Variants in CELF2 observed in about 807,000 individuals in gnomAD.
The protein encoded by CELF2 is CUG triplet repeat RNA-binding protein 2.
Under a neutral mutation model 62.6 loss-of-function variants are expected in CELF2, and 8 were observed. The observed-to-expected ratio is 0.13, with a 90% confidence interval of 0.07 to 0.23. CELF2 has a LOEUF of 0.23. Ranked by LOEUF, CELF2 falls within the 10% of genes least tolerant of loss-of-function variation. The probability of loss-of-function intolerance (pLI) is 1.00; values close to 1 mark genes in which losing one functional copy is unlikely to be tolerated. For missense variants in CELF2, 333 were observed against 671.0 expected (o/e 0.50, Z 5.56); for synonymous variants, 258 against 250.0 (o/e 1.03, Z -0.30).
the CELF2 span, among the ~76,000 whole-genome samples, chr10:10,685,169 C>T: frequency 1.3e-5 from 2 of 152,132 alleles, no homozygotes; most frequent in African/African-American, 4.8e-5. Context: ...ACCAGGGGGC[C>T]AGAAGTATAC....
the CELF2 span, among the ~76,000 whole-genome samples, chr10:10,598,990 G>A: frequency 1.3e-5 from 2 of 151,806 alleles, no homozygotes; most frequent in African/African-American, 4.8e-5. Flanking sequence ...GACCTCAGGT[G>A]ATCCACCCTC....
At chr10:10,617,748 C>T in the CELF2 span, among the ~76,000 whole-genome samples, 1 of 152,120 alleles carries the variant, frequency 6.6e-6, no homozygotes, top group East Asian at 1.9e-4. Flanking sequence ...GAAGAAAGTA[C>T]AGGAAAGGGA....
chr10:10,843,228 G>T (rs768364170), intron 1 of CELF2, among the ~76,000 whole-genome samples: 1 of 151,946 alleles, frequency 6.6e-6, no homozygotes, highest in African/African-American at 2.4e-5. Flanking sequence ...ACAAAAGGTG[G>T]TTATTAATCT....
intron 1 of CELF2, among the ~76,000 whole-genome samples, chr10:10,806,203 C>CTT (rs112165245): frequency 0.69 from 97,677 of 141,198 alleles, 33,940 homozygotes; most frequent in East Asian, 0.77. Context: ...TTCCAGTGTT[C>CTT]TTTTTTTTTT....
chr10:11,087,415 T>G (rs2047109008), intron 1 of CELF2, among the ~76,000 whole-genome samples: 1 of 152,222 alleles, frequency 6.6e-6, no homozygotes, highest in African/African-American at 2.4e-5. Flanking sequence ...CTGTGTCTTT[T>G]GAGTGCCTGA....
At chr10:10,742,033 T>G in the CELF2 span, among the ~76,000 whole-genome samples, 1 of 152,222 alleles carries the variant, frequency 6.6e-6, no homozygotes, top group Admixed American at 6.5e-5. Flanking sequence ...CTATGTATTA[T>G]CTAATACTAC....
intron 1 of CELF2, among the ~76,000 whole-genome samples, chr10:11,040,696 C>T (rs1483415069): frequency 6.6e-6 from 1 of 152,136 alleles, no homozygotes; most frequent in Non-Finnish European, 1.5e-5. Context: ...GTTATATCCC[C>T]ACTCATGGAA....
At chr10:11,199,043 A>G (rs1192934859) in intron 2 of CELF2, among the ~76,000 whole-genome samples, 2 of 152,218 alleles carry the variant, frequency 1.3e-5, no homozygotes, top group Admixed American at 6.5e-5. Context: ...CCAGGTAACC[A>G]TGGATACCTT....
intron 1 of CELF2, among the ~76,000 whole-genome samples, chr10:11,093,794 ATC>A (rs1270261712): frequency 1.3e-5 from 2 of 152,190 alleles, no homozygotes; most frequent in Non-Finnish European, 2.9e-5. Context: ...TTATTTCTTA[ATC>A]TCTGTTTTAC....
chr10:11,093,557 C>T (rs1463895651), intron 1 of CELF2, among the ~76,000 whole-genome samples: 1 of 152,196 alleles, frequency 6.6e-6, no homozygotes, highest in African/African-American at 2.4e-5. Context: ...TCACTACCTT[C>T]AAGTCATCAA....
intron 2 of CELF2, among the ~76,000 whole-genome samples, chr10:10,920,538 T>C (rs1490412659): frequency 2.0e-5 from 3 of 152,186 alleles, no homozygotes; most frequent in Non-Finnish European, 4.4e-5. Context: ...TAATATGTAA[T>C]TGATCATTGT....
the CELF2 span, among the ~76,000 whole-genome samples, chr10:10,666,598 C>T: frequency 1.3e-5 from 1 of 75,872 alleles, no homozygotes; most frequent in African/African-American, 6.7e-5. Context: ...CGCGGTGGCT[C>T]ACGCCTGTAA....
chr10:10,954,744 T>C (rs2048718011), intron 2 of CELF2, among the ~76,000 whole-genome samples: 1 of 152,228 alleles, frequency 6.6e-6, no homozygotes, highest in South Asian at 2.1e-4. Context: ...TTATGAACCA[T>C]CAATTCAATG....
intron 2 of CELF2, among the ~76,000 whole-genome samples, chr10:11,189,292 A>G (rs1406213189): frequency 6.6e-6 from 1 of 152,174 alleles, no homozygotes; most frequent in African/African-American, 2.4e-5. Context: ...GTTAAATAAT[A>G]TATATTTTTA....
the CELF2 span, among the ~76,000 whole-genome samples, chr10:10,500,408 G>T: frequency 1.3e-5 from 2 of 152,158 alleles, no homozygotes; most frequent in African/African-American, 4.8e-5. Context: ...TTGTTGGAGG[G>T]ACCTGGTGGG....
intron 1 of CELF2, among the ~76,000 whole-genome samples, chr10:10,903,104 C>A (rs923652229): frequency 1.1e-4 from 17 of 152,322 alleles, no homozygotes; most frequent in African/African-American, 4.1e-4. Context: ...TTCTTTGGAG[C>A]TCCTCAGTAC....
chr10:10,820,093 C>A (rs763809530), intron 1 of CELF2, among the ~76,000 whole-genome samples: 4 of 152,072 alleles, frequency 2.6e-5, no homozygotes, highest in African/African-American at 9.7e-5. Flanking sequence ...AGAGGGTTTC[C>A]GCTTTTGCTT....
At chr10:10,585,771 G>A in the CELF2 span, among the ~76,000 whole-genome samples, 1 of 152,144 alleles carries the variant, frequency 6.6e-6, no homozygotes, top group Non-Finnish European at 1.5e-5. Flanking sequence ...TATTGCGGAA[G>A]GATCCCAATA....
chr10:10,556,514 G>C, the CELF2 span, among the ~76,000 whole-genome samples: 1 of 152,282 alleles, frequency 6.6e-6, no homozygotes, highest in East Asian at 1.9e-4. Flanking sequence ...TGTCTTTATA[G>C]CAGCATGATT....
Sources: gnomAD v4.1 joint callset for allele counts (sites outside exome capture counted in the v4.1 genomes callset) on GRCh38, gnomAD v4.1.1 for gene constraint, MANE v1.5 for transcripts, NCBI Gene and HGNC (gene_info 2026-07-23, HGNC 2026-07-21) for gene names.